KIF5C: variants seen among roughly 807,000 people sequenced by gnomAD.
KIF5C encodes the protein kinesin family member 5C.
A neutral mutation model predicts 125.2 loss-of-function variants in KIF5C; 18 were observed. The ratio of observed to expected loss-of-function variants is 0.14; its 90% confidence interval spans 0.10 to 0.21. KIF5C has a LOEUF of 0.21. Ranked by LOEUF, KIF5C falls within the 10% of genes least tolerant of loss-of-function variation. The pLI is 1.00. For missense variants in KIF5C, 780 were observed against 1,183.8 expected (o/e 0.66, Z 5.01); for synonymous variants, 405 against 434.0 (o/e 0.93, Z 0.83).
chr2:148,912,363 C>T (rs1262495957), intron 1 of KIF5C, among the ~76,000 whole-genome samples: 1 of 152,206 alleles, frequency 6.6e-6, no homozygotes, highest in Non-Finnish European at 1.5e-5. Flanking sequence ...GTCAACTACA[C>T]TCAAAATCAC....
intron 16 of KIF5C, among the ~76,000 whole-genome samples, 159 bp from the exon 17 acceptor site, chr2:148,994,262 G>C (rs753122743): frequency 1.3e-5 from 2 of 152,266 alleles, no homozygotes; most frequent in South Asian, 2.1e-4. Flanking sequence ...GTATGATTCT[G>C]AACACCAAGG....
chr2:148,972,160 C>G (rs1680934196), intron 11 of KIF5C, among the ~76,000 whole-genome samples: 1 of 152,124 alleles, frequency 6.6e-6, no homozygotes, highest in Non-Finnish European at 1.5e-5. Flanking sequence ...ACCATGTTAG[C>G]CAGGCTGGTC....
intron 21 of KIF5C, among the ~76,000 whole-genome samples, chr2:149,001,858 C>T (rs1166184326): frequency 6.6e-6 from 1 of 152,254 alleles, no homozygotes; most frequent in Non-Finnish European, 1.5e-5. Context: ...ACTGATCCAT[C>T]TTCAAGGACC....
intron 1 of KIF5C, among the ~76,000 whole-genome samples, chr2:148,888,110 T>G (rs1487512059): frequency 6.6e-6 from 1 of 152,174 alleles, no homozygotes; most frequent in African/African-American, 2.4e-5. Flanking sequence ...GCGCCTGGTC[T>G]CTGAGAGGTG....
intron 1 of KIF5C, among the ~76,000 whole-genome samples, chr2:148,913,550 G>C (rs1223372930): frequency 3.9e-5 from 6 of 152,194 alleles, no homozygotes; most frequent in Admixed American, 2.0e-4. Flanking sequence ...GCCTCTCTAT[G>C]CATCATACTT....
In KIF5C at chr2:148,980,675, C is replaced by CTTATTTAT. The variant is rs5835290; in HGVS notation, c.1363-642_1363-635dup. On this transcript the variant is annotated intron_variant, in intron 13 of 25. Transcript: ENST00000435030. ...TTGGAAACGACTCTCAGATCCTTTG[C>CTTATTTAT]TTATTTATTTATTTATTTATTTATT... 8.1e-3 allele frequency among the ~76,000 whole-genome samples: 1,178 copies of CTTATTTAT among 144,678 alleles called. 2 individuals carry two copies. The highest frequency in any genetic ancestry group is 0.011 in the Middle Eastern group (3 of 274). The allele number at this position is 144,678 out of a possible 152,430, so 94.9% of individuals were successfully genotyped here.
chr2:148,875,575 G>T lies in KIF5C; in HGVS notation c.-43G>T. 1.4e-6 allele frequency: 1 copy of T among 699,606 alleles called. No homozygotes were observed. The highest frequency in any genetic ancestry group is 2.6e-6 in the Non-Finnish European group (1 of 389,230). 43.3% of individuals were successfully genotyped at this position (699,606 alleles called of 1,614,324 possible). A position where few individuals can be genotyped will look rare whatever the true frequency, so the allele number is the denominator to read the frequency against. ...TCCTCCCTCGTCGTTCCCGGCCCCG[G>T]CCCCCCACCCATCCCCGTGCCCCCT... is the stretch of plus-strand genomic sequence containing the variant. On this transcript the variant is annotated 5_prime_UTR_variant, in exon 1 of 26. Coordinates refer to ENST00000435030, the MANE Select transcript of KIF5C (RefSeq NM_004522.3).
chr2:149,001,718 CT>C (rs1349194084), intron 21 of KIF5C, among the ~76,000 whole-genome samples: 3 of 152,242 alleles, frequency 2.0e-5, no homozygotes, highest in African/African-American at 7.2e-5. Flanking sequence ...ACAGACCATT[CT>C]AACATAGCCT....
chr2:148,902,328 T>A (rs1680938662), intron 1 of KIF5C, among the ~76,000 whole-genome samples: 4 of 152,172 alleles, frequency 2.6e-5, no homozygotes, highest in African/African-American at 7.2e-5. Flanking sequence ...AACATTTTTT[T>A]TTTTTTGAAA....
chr2:148,877,004 C>G (rs1681212382), intron 1 of KIF5C, among the ~76,000 whole-genome samples: 1 of 152,212 alleles, frequency 6.6e-6, no homozygotes, highest in African/African-American at 2.4e-5. Flanking sequence ...TGACAGGTGA[C>G]AGTTTACCGA....
chr2:148,962,468 C>T (rs573214963), intron 11 of KIF5C, among the ~76,000 whole-genome samples: 23 of 152,058 alleles, frequency 1.5e-4, no homozygotes, highest in East Asian at 5.8e-4. Context: ...CGTGAGCCAC[C>T]GTGCCTGGCC....
chr2:148,991,213 TC>T lies in KIF5C; in HGVS notation c.1905+19del, dbSNP rs1369531458. Reference sequence around the variant, plus strand: ...TCATCTCCCAGGTGGGCCCTTCCCTTCCCCATCATTGCACTCTTGTTGTCTT... The same window carrying T: ...TCATCTCCCAGGTGGGCCCTTCCCTTCCCATCATTGCACTCTTGTTGTCTT... On this transcript the variant is annotated intron_variant, in intron 16 of 25. Coordinates refer to ENST00000435030, the MANE Select transcript of KIF5C (RefSeq NM_004522.3). 6.2e-7 allele frequency: 1 copy of T among 1,610,952 alleles called. No homozygotes were observed. Among genetic ancestry groups the T allele is most frequent in the African/African-American group, 1.3e-5 (1 of 74,832 alleles).
At chr2:149,003,388 G>T (rs1038345636) in intron 21 of KIF5C, among the ~76,000 whole-genome samples, 2 of 152,248 alleles carry the variant, frequency 1.3e-5, no homozygotes, top group African/African-American at 4.8e-5. Flanking sequence ...GGCCGTCGGG[G>T]CATCCCTGGC....
At chr2:148,933,127 T>C (rs1175226765) in intron 3 of KIF5C, among the ~76,000 whole-genome samples, 2 of 152,096 alleles carry the variant, frequency 1.3e-5, no homozygotes, top group African/African-American at 4.8e-5. Context: ...TCTTTCTCAG[T>C]TCCTGTACTT....
intron 25 of KIF5C, among the ~76,000 whole-genome samples, chr2:149,012,494 A>G (rs1682237734): frequency 6.6e-6 from 1 of 152,238 alleles, no homozygotes; most frequent in South Asian, 2.1e-4. Context: ...AAGGCAGGCA[A>G]GCATGCAAGG....
At chr2:148,966,577 T>G (rs1209627486) in intron 11 of KIF5C, among the ~76,000 whole-genome samples, 2 of 152,136 alleles carry the variant, frequency 1.3e-5, no homozygotes, top group African/African-American at 4.8e-5. Flanking sequence ...AATACTGCAC[T>G]ATTACATGCC....
intron 7 of KIF5C, among the ~76,000 whole-genome samples, chr2:148,944,868 T>C (rs1170236608): frequency 6.6e-6 from 1 of 152,320 alleles, no homozygotes; most frequent in Non-Finnish European, 1.5e-5. Context: ...TGCTGTTTCA[T>C]TGTGGTTTTG....
At chr2:148,959,537 T>C (rs191861711) in intron 10 of KIF5C, among the ~76,000 whole-genome samples, 1 of 152,318 alleles carries the variant, frequency 6.6e-6, no homozygotes, top group East Asian at 1.9e-4. Flanking sequence ...CTACCTTTAG[T>C]GGATGTGAAG....
In KIF5C at chr2:148,950,295, T is replaced by G. The variant is rs1682627666; in HGVS notation, c.820-19T>G. 4 of 1,611,028 alleles carry G rather than the reference T, an allele frequency of 2.5e-6. No individual in the cohort carries two copies. The highest frequency in any genetic ancestry group is 3.4e-6 in the Non-Finnish European group (4 of 1,177,848). ...CAGAATGGGCTGTCAAAACCAATAC[T>G]TTTTCTTTTCCTAAATAGAAAACAC... On this transcript the variant is annotated intron_variant, in intron 9 of 25. Coordinates refer to ENST00000435030, the MANE Select transcript of KIF5C (RefSeq NM_004522.3).
Sources: gnomAD v4.1 joint callset for allele counts (sites outside exome capture counted in the v4.1 genomes callset) on GRCh38, gnomAD v4.1.1 for gene constraint, MANE v1.5 for transcripts, NCBI Gene and HGNC (gene_info 2026-07-23, HGNC 2026-07-21) for gene names.